ROBO2: variants seen among roughly 807,000 people sequenced by gnomAD.
ROBO2 encodes roundabout guidance receptor 2, also known as roundabout homolog 2.
In ROBO2, 53 loss-of-function variants were observed where a neutral mutation model predicts 160.8. The ratio of observed to expected loss-of-function variants is 0.33; its 90% confidence interval spans 0.26 to 0.41. The LOEUF is 0.41. Among genes scored for constraint, ROBO2 ranks in the 10% least tolerant of loss-of-function variants. The probability of loss-of-function intolerance (pLI) is 1.00; values close to 1 mark genes in which losing one functional copy is unlikely to be tolerated. For missense variants in ROBO2, 1,577 were observed against 1,722.4 expected, an observed-to-expected ratio of 0.92 and a Z score of 1.49; for synonymous variants, 664 against 611.7, an observed-to-expected ratio of 1.09 and a Z score of -1.26.
At chr3:76,790,630 C>T (rs1336073905) in intron 2 of ROBO2, among the ~76,000 whole-genome samples, 1 of 151,706 alleles carries the variant, frequency 6.6e-6, no homozygotes, top group Non-Finnish European at 1.5e-5. Flanking sequence ...TAACACGAAG[C>T]TTACTTTTTA....
At chr3:77,291,409 A>G (rs140257340) in intron 2 of ROBO2, among the ~76,000 whole-genome samples, 1,714 of 120,976 alleles carry the variant, frequency 0.014, 31 homozygotes, top group African/African-American at 0.041. Context: ...TAAAATTGAT[A>G]GTTAAACGGG....
chr3:76,433,345 A>G (rs1028981747), intron 2 of ROBO2, among the ~76,000 whole-genome samples: 2 of 152,224 alleles, frequency 1.3e-5, no homozygotes, highest in Non-Finnish European at 2.9e-5. Flanking sequence ...AACCATAAAC[A>G]ATATTTAGTA....
chr3:77,518,430 A>G (rs1293334408), intron 5 of ROBO2, among the ~76,000 whole-genome samples: 14 of 151,552 alleles, frequency 9.2e-5, no homozygotes. Flanking sequence ...AAAGATTGTG[A>G]GCATTTCAAT....
chr3:76,982,914 A>C (rs2060170397), intron 2 of ROBO2, among the ~76,000 whole-genome samples: 1 of 152,208 alleles, frequency 6.6e-6, no homozygotes, highest in Non-Finnish European at 1.5e-5. Flanking sequence ...TTCATACATG[A>C]ACAACAAAAT....
At chr3:77,539,584 A>G (rs1201174178) in intron 6 of ROBO2, among the ~76,000 whole-genome samples, 1 of 152,176 alleles carries the variant, frequency 6.6e-6, no homozygotes, top group Non-Finnish European at 1.5e-5. Flanking sequence ...GAGATGGAAA[A>G]AATATTGAGT....
chr3:76,772,393 T>G (rs940104510), intron 2 of ROBO2, among the ~76,000 whole-genome samples: 3 of 149,152 alleles, frequency 2.0e-5, no homozygotes, highest in Non-Finnish European at 4.5e-5. Context: ...TAAATATATA[T>G]GCATCTATGT....
chr3:76,198,217 T>C (rs1702353069), intron 2 of ROBO2, among the ~76,000 whole-genome samples: 1 of 151,390 alleles, frequency 6.6e-6, no homozygotes, highest in South Asian at 2.1e-4. Context: ...CCTCAGAACA[T>C]GGTGGGAAAG....
intron 2 of ROBO2, among the ~76,000 whole-genome samples, chr3:77,367,561 C>G (rs1297475645): frequency 6.6e-6 from 1 of 152,014 alleles, no homozygotes; most frequent in Non-Finnish European, 1.5e-5. Flanking sequence ...AAAGGTGTTA[C>G]GAAGATGCCA....
intron 2 of ROBO2, among the ~76,000 whole-genome samples, chr3:76,995,400 G>T (rs1372454202): frequency 1.3e-5 from 2 of 152,078 alleles, no homozygotes; most frequent in Non-Finnish European, 2.9e-5. Flanking sequence ...GAATAGTGCT[G>T]CAATAAACAT....
At chr3:76,068,153 TAGTTGTTAAG>T (rs1405927978) in intron 2 of ROBO2, among the ~76,000 whole-genome samples, 3 of 152,088 alleles carry the variant, frequency 2.0e-5, no homozygotes, top group Non-Finnish European at 4.4e-5. Context: ...CAGGATAGCC[TAGTTGTTAAG>T]AGTACAGACT....
chr3:75,972,354 G>A (rs1431793249), intron 2 of ROBO2, among the ~76,000 whole-genome samples: 1 of 151,540 alleles, frequency 6.6e-6, no homozygotes, highest in Non-Finnish European at 1.5e-5. Context: ...AGTACTTTTT[G>A]GCCATTGACC....
chr3:76,794,637 C>T (rs1231699727), intron 2 of ROBO2, among the ~76,000 whole-genome samples: 1 of 151,916 alleles, frequency 6.6e-6, no homozygotes, highest in Non-Finnish European at 1.5e-5. Flanking sequence ...CAATCGGATT[C>T]ATTAAAATTT....
chr3:77,497,709 G>C (rs1285602258), intron 5 of ROBO2, among the ~76,000 whole-genome samples: 1 of 152,044 alleles, frequency 6.6e-6, no homozygotes, highest in African/African-American at 2.4e-5. Context: ...TTTTCACAAA[G>C]TGTTTTATGT....
chr3:76,550,625 G>A (rs1329769467), intron 2 of ROBO2, among the ~76,000 whole-genome samples: 1 of 152,180 alleles, frequency 6.6e-6, no homozygotes, highest in Non-Finnish European at 1.5e-5. Flanking sequence ...CCAGACCCAG[G>A]CATCCCTGCA....
At chr3:76,964,031 G>A (rs13327684) in intron 2 of ROBO2, among the ~76,000 whole-genome samples, 6,601 of 152,066 alleles carry the variant, frequency 0.043, 457 homozygotes, top group African/African-American at 0.15. Context: ...AGAGTGAAAA[G>A]AAAAGAACAG....
At chr3:76,564,138 G>A (rs1397772486) in intron 2 of ROBO2, among the ~76,000 whole-genome samples, 7 of 152,204 alleles carry the variant, frequency 4.6e-5, no homozygotes, top group South Asian at 2.1e-4. Context: ...CCTGGGAGGC[G>A]GAAGTTGCAG....
At chr3:77,467,754 A>T (rs1026098044) in intron 2 of ROBO2, among the ~76,000 whole-genome samples, 23 of 146,366 alleles carry the variant, frequency 1.6e-4, no homozygotes, top group African/African-American at 2.0e-4. Context: ...CACTAATATA[A>T]AAAAAAAAAA....
chr3:77,294,025 G>C (rs2061676296), intron 2 of ROBO2, among the ~76,000 whole-genome samples: 1 of 137,666 alleles, frequency 7.3e-6, no homozygotes, highest in South Asian at 2.3e-4. Flanking sequence ...AGATCACCCA[G>C]ACATAAAGTA....
At chr3:76,629,838 A>C (rs2089913229) in intron 2 of ROBO2, among the ~76,000 whole-genome samples, 1 of 152,286 alleles carries the variant, frequency 6.6e-6, no homozygotes, top group South Asian at 2.1e-4. Context: ...AAAACAGCCC[A>C]TTTGCTGTCT....
Sources: gnomAD v4.1 joint callset for allele counts (sites outside exome capture counted in the v4.1 genomes callset) on GRCh38, gnomAD v4.1.1 for gene constraint, MANE v1.5 for transcripts, NCBI Gene and HGNC (gene_info 2026-07-23, HGNC 2026-07-21) for gene names.